The following MORN1 variants were observed in gnomAD, a reference collection of about 807,000 sequenced individuals.
MORN1 encodes MORN repeat containing 1, also known as MORN repeat-containing protein 1.
MORN1 carries 67 observed loss-of-function variants against 61.9 expected under a neutral mutation model. That is an observed-to-expected ratio of 1.08 (90% CI 0.89 to 1.33). MORN1 has a LOEUF of 1.33. Among genes scored for constraint, MORN1 ranks in the 40% most tolerant of loss-of-function variants. MORN1 has a pLI of 0.00. For missense variants in MORN1, 752 were observed against 691.2 expected (o/e 1.09, Z -0.99); for synonymous variants, 301 against 292.0 (o/e 1.03, Z -0.31).
At position 2,385,169 on chromosome 1, in the gene MORN1, G is replaced by T. The variant is rs578163266; in HGVS notation, c.450-104C>A. 13 of 1,240,614 alleles carry T rather than the reference G, an allele frequency of 1.0e-5. No individual in the cohort carries two copies. The African/African-American group carries it at 1.2e-4, about 12-fold the overall frequency. The allele number at this position is 1,240,614 out of a possible 1,614,324, so 76.9% of individuals were successfully genotyped here. A position where few individuals can be genotyped will look rare whatever the true frequency, so the allele number is the denominator to read the frequency against. The stretch of plus-strand genomic sequence containing the variant: ...CGGGCTCCGCAGGCACTGCGGGACC[G>T]AGGCAAAAATAGGCCCGAGCAGATG... On this transcript the variant is annotated intron_variant, in intron 5 of 13. Transcript: ENST00000378531.
chr1:2,381,138 T>C (rs1306433357), intron 6 of MORN1, among the ~76,000 whole-genome samples: 2 of 152,252 alleles, frequency 1.3e-5, no homozygotes, highest in Non-Finnish European at 2.9e-5. Flanking sequence ...GACCTGGTAA[T>C]GTCTTCTTGC....
chr1:2,327,127 A>G (rs1390585498), intron 12 of MORN1, among the ~76,000 whole-genome samples: 11 of 139,640 alleles, frequency 7.9e-5, no homozygotes, highest in Non-Finnish European at 1.5e-5. Context: ...CACAGAAACA[A>G]ACACAGAAAC....
In MORN1 at chr1:2,322,119, C is replaced by T. The variant is rs75414389; in HGVS notation, c.1298-540G>A. On this transcript the variant is annotated intron_variant, in intron 13 of 13. Coordinates refer to ENST00000378531, the MANE Select transcript of MORN1 (RefSeq NM_024848.3). ...GGGCTCTCCGGGTGGGGCTGGAGGG[C>T]GGCCCTGCTGGGGGCACTCGGCAGA... The T allele has an allele frequency of 2.1e-4, 211 of 985,416 alleles. 3 individuals are homozygous for T. The East Asian group carries it at 0.02, about 92-fold the overall frequency. 61.0% of individuals were successfully genotyped at this position (985,416 alleles called of 1,614,324 possible).
chr1:2,322,556 GAA>G (rs111436860), intron 13 of MORN1: 6 of 876,228 alleles, frequency 6.8e-6, no homozygotes, highest in Non-Finnish European at 8.2e-6. Context: ...AGCTCCTTTA[GAA>G]AAAAAAAAAC....
intron 6 of MORN1, among the ~76,000 whole-genome samples, chr1:2,383,764 G>A (rs921165656): frequency 3.9e-5 from 6 of 152,288 alleles, no homozygotes; most frequent in East Asian, 1.9e-4. Context: ...TCGTGGCTGC[G>A]ACAGCCTCAC....
chr1:2,321,279 G>A lies in MORN1; in HGVS notation c.*104C>T. The A allele has an allele frequency of 2.2e-6, 2 of 924,954 alleles. No individual in the cohort carries two copies. Among genetic ancestry groups the A allele is most frequent in the South Asian group, 1.8e-5 (1 of 55,872 alleles). The allele number at this position is 924,954 out of a possible 1,614,324, so 57.3% of individuals were successfully genotyped here. A position where few individuals can be genotyped will look rare whatever the true frequency, so the allele number is the denominator to read the frequency against. Reference sequence around the variant, plus strand: ...AGCCGCCACTGAGCATTTTATTCAAGCCAGCAACCACGGGGCTCTGGAGAA... The same window carrying A: ...AGCCGCCACTGAGCATTTTATTCAAACCAGCAACCACGGGGCTCTGGAGAA... On this transcript the variant is annotated 3_prime_UTR_variant, in exon 14 of 14. Coordinates refer to ENST00000378531, the MANE Select transcript of MORN1 (RefSeq NM_024848.3).
In MORN1 at chr1:2,360,748, C is replaced by T. The variant is rs531008022; in HGVS notation, c.746-2033G>A. On this transcript the variant is annotated intron_variant, in intron 8 of 13. Transcript: ENST00000378531. Reference sequence around the variant, plus strand: ...AAACTCCACGAGGCTGGGGAAGAACCGTCTGAAGAATTAAGAGGGACCAGG... The same window carrying T: ...AAACTCCACGAGGCTGGGGAAGAACTGTCTGAAGAATTAAGAGGGACCAGG... Among the ~76,000 whole-genome samples, 13 of 152,294 alleles carry T rather than the reference C, an allele frequency of 8.5e-5. No homozygotes were observed. The East Asian group carries it at 9.6e-4, about 11-fold the overall frequency.
At chr1:2,339,956 G>A (rs1470418362) in intron 10 of MORN1, among the ~76,000 whole-genome samples, 4 of 152,264 alleles carry the variant, frequency 2.6e-5, no homozygotes, top group Non-Finnish European at 5.9e-5. Context: ...GGCACCCTCT[G>A]TGCAGACACA....
At chr1:2,339,145 G>C (rs1345589156) in intron 10 of MORN1, among the ~76,000 whole-genome samples, 1 of 152,200 alleles carries the variant, frequency 6.6e-6, no homozygotes, top group African/African-American at 2.4e-5. Context: ...GCAAGCGAGA[G>C]AAACGAGAAA....
chr1:2,386,969 C>T (rs1218567484), intron 4 of MORN1: 1 of 174,176 alleles, frequency 5.7e-6, no homozygotes, highest in Non-Finnish European at 1.2e-5. Flanking sequence ...TCCAAGACTA[C>T]TGGGCAAGGA....
chr1:2,349,147 C>A (rs1320063324), intron 10 of MORN1, among the ~76,000 whole-genome samples: 1 of 152,208 alleles, frequency 6.6e-6, no homozygotes, highest in African/African-American at 2.4e-5. Flanking sequence ...CCCCACTTGG[C>A]AGGACTTGAT....
At chr1:2,322,427 G>A (rs938098274) in intron 13 of MORN1, 40 of 985,202 alleles carry the variant, frequency 4.1e-5, no homozygotes, top group African/African-American at 8.7e-5. Context: ...GGAAAACAGC[G>A]CTCCCCTCGC....
chr1:2,384,696 GATTTAAGTCA>G (rs1418935634), intron 6 of MORN1, among the ~76,000 whole-genome samples: 1 of 152,212 alleles, frequency 6.6e-6, no homozygotes, highest in African/African-American at 2.4e-5. Flanking sequence ...CTGAAGATGG[GATTTAAGTCA>G]AAAGTGAGAG....
At chr1:2,379,024 C>T (rs569332509) in intron 6 of MORN1, 1 of 470,676 alleles carries the variant, frequency 2.1e-6, no homozygotes, top group African/African-American at 2.0e-5. Context: ...TTCTAGAATG[C>T]ATTTTTAAAA....
intron 13 of MORN1, chr1:2,323,142 A>T (rs967377067): frequency 1.1e-4 from 105 of 985,238 alleles, no homozygotes; most frequent in Non-Finnish European, 1.2e-4. Flanking sequence ...GATGGCTGGG[A>T]CGCGGTGGAC....
intron 13 of MORN1, chr1:2,322,182 G>A (rs890182990): frequency 1.5e-5 from 15 of 985,420 alleles, no homozygotes; most frequent in Non-Finnish European, 1.8e-5. Context: ...TCTGTAAACT[G>A]TCTGGAGAGC....
In MORN1 at chr1:2,334,980, C is replaced by T. The variant is rs758280366; in HGVS notation, c.1250+1489G>A. ...TGTCTCGGCTTTTGGCTCTCGCAGA[C>T]GCTCCTGAGGCCGAGTCACTGGGCA... On this transcript the variant is annotated intron_variant, in intron 12 of 13. Coordinates refer to ENST00000378531, the MANE Select transcript of MORN1 (RefSeq NM_024848.3). This position sits in a 1 kb window ranked among gnomAD's most constrained non-coding sequence, Gnocchi z 5.4. Among the ~76,000 whole-genome samples the T allele has an allele frequency of 2.0e-5, 3 of 152,248 alleles. No homozygotes were observed. The highest frequency in any genetic ancestry group is 4.4e-5 in the Non-Finnish European group (3 of 68,048).
In MORN1 at chr1:2,333,440, G is replaced by T. The variant is rs550886274; in HGVS notation, c.1250+3029C>A. 5.9e-5 allele frequency among the ~76,000 whole-genome samples: 9 copies of T among 152,360 alleles called. No individual in the cohort carries two copies. In the South Asian group the frequency reaches 1.9e-3, roughly 32 times the overall value. ...AGCTGAGTGCAGTGAGTGGCCTCGG[G>T]CCTGGAGACGCTGGAACAATACAGG... On this transcript the variant is annotated intron_variant, in intron 12 of 13. Transcript: ENST00000378531.
At chr1:2,386,128 T>C in intron 4 of MORN1, 1 of 544,864 alleles carries the variant, frequency 1.8e-6, no homozygotes, top group Non-Finnish European at 3.3e-6. Context: ...TTGGGACAGG[T>C]CGGTGAGCTG....
Sources: allele counts gnomAD v4.1 joint callset (sites outside exome capture counted in the v4.1 genomes callset), GRCh38; gene constraint gnomAD v4.1.1; non-coding constraint Gnocchi (gnomAD v3.1); transcripts MANE v1.5; gene names NCBI Gene and HGNC (gene_info 2026-07-23, HGNC 2026-07-21).